ANP32E: variants seen among roughly 807,000 people sequenced by gnomAD.
ANP32E encodes acidic leucine-rich nuclear phosphoprotein 32 family member E.
In ANP32E, 14 loss-of-function variants were observed where a neutral mutation model predicts 35.3. The observed-to-expected ratio is 0.40, with a 90% CI of 0.26 to 0.62. The LOEUF is 0.62. ANP32E is among the 20% of genes least tolerant of loss of function. The probability of loss-of-function intolerance (pLI) is 0.45; values close to 1 mark genes in which losing one functional copy is unlikely to be tolerated. For synonymous variants in ANP32E, 89 were observed against 110.4 expected, an observed-to-expected ratio of 0.81 and a Z score of 1.22; for missense variants, 198 against 304.4, an observed-to-expected ratio of 0.65 and a Z score of 2.60.
chr1:150,234,625 G>C (rs1206581351), intron 1 of ANP32E: 23 of 985,412 alleles, frequency 2.3e-5, no homozygotes, highest in Non-Finnish European at 2.7e-5. Flanking sequence ...TTTCCTCTGC[G>C]AGGCTCCCCG....
In ANP32E at chr1:150,236,026, A is replaced by C; in HGVS notation, c.-240T>G. 1.9e-6 allele frequency: 1 copy of C among 532,126 alleles called. No individual in the cohort carries two copies. Among genetic ancestry groups the C allele is most frequent in the Non-Finnish European group, 3.4e-6 (1 of 293,930 alleles). The allele number at this position is 532,126 out of a possible 1,614,324, so 33.0% of individuals were successfully genotyped here. On this transcript the variant is annotated 5_prime_UTR_variant, in exon 1 of 7. Coordinates refer to ENST00000583931, the MANE Select transcript of ANP32E (RefSeq NM_030920.5). Reference sequence around the variant, plus strand: ...TGTCCACACACTAGCGCGCGCACACACACGCACGCACGCGCGCACACACAT... The same window carrying C: ...TGTCCACACACTAGCGCGCGCACACCCACGCACGCACGCGCGCACACACAT...
intron 4 of ANP32E, among the ~76,000 whole-genome samples, 162 bp downstream of exon 4, chr1:150,228,910 G>T (rs1347090822): frequency 2.0e-5 from 3 of 152,126 alleles, no homozygotes; most frequent in African/African-American, 7.2e-5. Flanking sequence ...TCTGAAAGAA[G>T]AAATACTGGC....
rs1234695381 is a variant in ANP32E, at chr1:150,224,036, C to A, written c.682-796G>T. Among the ~76,000 whole-genome samples the A allele has an allele frequency of 2.0e-5, 3 of 152,274 alleles. No individual in the cohort carries two copies. The East Asian group carries it at 5.8e-4, about 30-fold the overall frequency. On this transcript the variant is annotated intron_variant, in intron 5 of 6. Coordinates refer to ENST00000583931, the MANE Select transcript of ANP32E (RefSeq NM_030920.5). ...GTGAGATTACAGGCGTGAGCCACTGCACCCGGCCAACTGCCTAATTCCTGT... is the reference window on the plus strand; with the variant it reads ...GTGAGATTACAGGCGTGAGCCACTGAACCCGGCCAACTGCCTAATTCCTGT...
intron 1 of ANP32E, 64 bp from the exon 2 acceptor site, chr1:150,231,990 G>GACA: frequency 6.8e-7 from 1 of 1,476,932 alleles, no homozygotes; most frequent in Non-Finnish European, 9.2e-7. Flanking sequence ...TAGAGACCTG[G>GACA]GTCTTGACAC....
At chr1:150,221,996 G>A (rs1409864984) in intron 6 of ANP32E, among the ~76,000 whole-genome samples, 1 of 152,142 alleles carries the variant, frequency 6.6e-6, no homozygotes, top group East Asian at 1.9e-4. Context: ...AAGAGGCTGA[G>A]GTGGGAGGAT....
rs1366215305 is a variant in ANP32E at position 150,226,593 on chromosome 1, G to C, written c.681+15C>G. The stretch of plus-strand genomic sequence containing the variant: ...AGAAATTAATTTTCAGTGCAGGTAA[G>C]AAGTGTGTATTCACCTGAATTTCTT... On this transcript the variant is annotated intron_variant, in intron 5 of 6. Coordinates refer to ENST00000583931, the MANE Select transcript of ANP32E (RefSeq NM_030920.5). 3 of 1,612,310 alleles carry C rather than the reference G, an allele frequency of 1.9e-6. No homozygotes were observed. In the East Asian group the frequency reaches 6.7e-5, roughly 36 times the overall value.
Position 150,218,676 on chromosome 1 carries a change from T to C in ANP32E, c.*2015A>G, listed in dbSNP as rs1648111124. 6.6e-6 allele frequency: 1 copy of C among 152,550 alleles called. No individual in the cohort carries two copies. Among genetic ancestry groups the C allele is most frequent in the Non-Finnish European group, 1.5e-5 (1 of 68,020 alleles). 9.4% of individuals were successfully genotyped at this position (152,550 alleles called of 1,614,324 possible). On this transcript the variant is annotated 3_prime_UTR_variant, in exon 7 of 7. Coordinates refer to ENST00000583931, the MANE Select transcript of ANP32E (RefSeq NM_030920.5). Reference sequence around the variant, plus strand: ...TATACATACTGCCATACAAAGAGCATTAAAATAGGACCGAAAACTTCTACA... The same window carrying C: ...TATACATACTGCCATACAAAGAGCACTAAAATAGGACCGAAAACTTCTACA...
rs1648149372 is a variant in ANP32E at position 150,219,171 on chromosome 1, A to G, written c.*1520T>C. On this transcript the variant is annotated 3_prime_UTR_variant, in exon 7 of 7. Transcript: ENST00000583931. The stretch of plus-strand genomic sequence containing the variant: ...GTCCCAGTATAGAAGCATAACTTCA[A>G]TTAATTTGCTGACACTAACTTCTTA... The G allele has an allele frequency of 6.6e-6, 1 of 152,232 alleles. No individual in the cohort carries two copies. Among genetic ancestry groups the G allele is most frequent in the East Asian group, 1.9e-4 (1 of 5,206 alleles). The allele number at this position is 152,232 out of a possible 1,614,324, so 9.4% of individuals were successfully genotyped here.
intron 6 of ANP32E, among the ~76,000 whole-genome samples, 189 bp from the exon 7 acceptor site, chr1:150,220,950 C>T (rs1648298171): frequency 6.6e-6 from 1 of 151,850 alleles, no homozygotes; most frequent in African/African-American, 2.4e-5. Context: ...AACCCCATCT[C>T]TACTAAAAAT....
chr1:150,222,714 G>A lies in ANP32E; in HGVS notation c.736+472C>T, dbSNP rs371995307. The stretch of plus-strand genomic sequence containing the variant: ...ATTGAGACTGCAGTGAGCTGTGATT[G>A]CATCACTGTACTCGCCTGGGTAACA... On this transcript the variant is annotated intron_variant, in intron 6 of 6. Coordinates refer to ENST00000583931, the MANE Select transcript of ANP32E (RefSeq NM_030920.5). 2.0e-4 allele frequency among the ~76,000 whole-genome samples: 30 copies of A among 151,450 alleles called. 1 individual carries two copies. The highest frequency in any genetic ancestry group is 1.1e-3 in the Admixed American group (16 of 15,224).
At chr1:150,233,777 G>T (rs1387721900) in intron 1 of ANP32E, among the ~76,000 whole-genome samples, 1 of 152,172 alleles carries the variant, frequency 6.6e-6, no homozygotes, top group African/African-American at 2.4e-5. Context: ...TGGCCAGAAA[G>T]AGCATCTTGA....
At position 150,235,007 on chromosome 1, in the gene ANP32E, GACGTGC is replaced by G. The variant is rs1258083747; in HGVS notation, c.54+720_54+725del. The stretch of plus-strand genomic sequence containing the variant: ...ATCAAATTCAGAGTTGCGGCCACAC[GACGTGC>G]CACATATCGTTACACGGCGGGGGAA... On this transcript the variant is annotated intron_variant, in intron 1 of 6. Transcript: ENST00000583931. The surrounding 1 kb of genome is among the most constrained non-coding windows in gnomAD (Gnocchi z 4.2). 2.0e-5 allele frequency among the ~76,000 whole-genome samples: 3 copies of G among 152,234 alleles called. No homozygotes were observed. Among genetic ancestry groups the G allele is most frequent in the African/African-American group, 7.2e-5 (3 of 41,454 alleles).
In ANP32E at chr1:150,235,920, C is replaced by T; in HGVS notation, c.-134G>A. 1.5e-6 allele frequency: 1 copy of T among 656,908 alleles called. No homozygotes were observed. Among genetic ancestry groups the T allele is most frequent in the South Asian group, 1.8e-5 (1 of 55,792 alleles). 40.7% of individuals were successfully genotyped at this position (656,908 alleles called of 1,614,324 possible). On this transcript the variant is annotated 5_prime_UTR_variant, in exon 1 of 7. Transcript: ENST00000583931. The surrounding 1 kb of genome is among the most constrained non-coding windows in gnomAD (Gnocchi z 4.2). The stretch of plus-strand genomic sequence containing the variant: ...AAATATAAACGCCCACTACCACCAC[C>T]AGATAGGTGTGGGGGAGAAAGAAGA...
At position 150,220,694 on chromosome 1, in the gene ANP32E, G is replaced by C; in HGVS notation, c.804C>G (p.Asp268Glu). 6.2e-7 allele frequency: 1 copy of C among 1,613,798 alleles called. No homozygotes were observed. The highest frequency in any genetic ancestry group is 8.5e-7 in the Non-Finnish European group (1 of 1,179,802). Residue 268 changes from aspartate to glutamate, a missense_variant, in exon 7 of 7, where the codon GAC (aspartate) becomes GAG (glutamate). Around this residue, in one of 4 missense-constraint regions of ANP32E, gnomAD observed 121 missense variants for 137.3 expected, o/e 0.88. Coordinates refer to ENST00000583931, the MANE Select transcript of ANP32E (RefSeq NM_030920.5). Reference protein sequence around the residue: ...DAEDDGEEEDD With the variant: ...DAEDDGEEEDE ...GAGAATCTGGTCTTAGAATGATCTA[G>C]TCATCTTCTTCCTCTCCATCGTCTT...
chr1:150,221,612 A>AGGAAGGAAGGAAGGAAGGAG (rs1559994127), intron 6 of ANP32E, among the ~76,000 whole-genome samples: 1 of 132,406 alleles, frequency 7.6e-6, no homozygotes, highest in African/African-American at 3.9e-5. Flanking sequence ...GAGGGAAGGA[A>AGGAAGGAAGGAAGGAAGGAG]GGAAGGAAGG....
chr1:150,228,474 G>A (rs1171443874), intron 4 of ANP32E, among the ~76,000 whole-genome samples: 4 of 151,982 alleles, frequency 2.6e-5, no homozygotes, highest in Non-Finnish European at 4.4e-5. Flanking sequence ...GGTGGATCAC[G>A]AGGTCAGCAG....
chr1:150,224,571 CT>C (rs1223594850), intron 5 of ANP32E, among the ~76,000 whole-genome samples: 1 of 17,458 alleles, frequency 5.7e-5, no homozygotes, highest in Admixed American at 8.5e-4. Context: ...GAAACTCCGT[CT>C]CAAAAAAGAA....
chr1:150,221,044 G>A (rs936413582), intron 6 of ANP32E, among the ~76,000 whole-genome samples: 8 of 143,048 alleles, frequency 5.6e-5, no homozygotes, highest in Non-Finnish European at 1.2e-4. Flanking sequence ...GAACCTGGAA[G>A]GCAGAGGTTC....
chr1:150,228,408 G>C (rs587767273), intron 4 of ANP32E, among the ~76,000 whole-genome samples: 8 of 151,856 alleles, frequency 5.3e-5, no homozygotes, highest in Admixed American at 5.3e-4. Context: ...TCTGTTCATC[G>C]GGCCGGGGCG....
Sources: allele counts gnomAD v4.1 joint callset (sites outside exome capture counted in the v4.1 genomes callset), GRCh38; gene constraint gnomAD v4.1.1; regional missense constraint gnomAD v4.1.1; non-coding constraint Gnocchi (gnomAD v3.1); transcripts MANE v1.5; gene names NCBI Gene and HGNC (gene_info 2026-07-23, HGNC 2026-07-21).